Variants in DNAI3 observed in about 807,000 individuals in gnomAD.
DNAI3 encodes dynein axonemal intermediate chain 3.
A neutral mutation model predicts 115.5 loss-of-function variants in DNAI3; 83 were observed. The observed-to-expected ratio is 0.72, with a 90% CI of 0.60 to 0.86. The LOEUF is 0.86. Ranked by LOEUF, DNAI3 falls within the 40% of genes least tolerant of loss-of-function variation. The pLI is 0.00. For missense variants in DNAI3, 1,004 were observed against 1,075.8 expected (o/e 0.93, Z 0.93); for synonymous variants, 320 against 347.0 (o/e 0.92, Z 0.86).
rs147747180 is a variant in DNAI3, at chr1:85,106,133, T to A, written c.1553+1536T>A. On this transcript the variant is annotated intron_variant, in intron 14 of 22. Transcript: ENST00000294664. The stretch of plus-strand genomic sequence containing the variant: ...CCAGCCTGGGTACTTCTTGTCTTGT[T>A]GGGTGCCTACTGTGTACAAAGCACA... Among the ~76,000 whole-genome samples, 4 of 152,316 alleles carry A rather than the reference T, an allele frequency of 2.6e-5. No homozygotes were observed. In the South Asian group the frequency reaches 6.2e-4, roughly 24 times the overall value.
At chr1:85,066,314 C>CTTT (rs57553075) in intron 1 of DNAI3, among the ~76,000 whole-genome samples, 26,656 of 69,698 alleles carry the variant, frequency 0.38, 10,483 homozygotes, top group Non-Finnish European at 0.42. Context: ...TTCTGCTACT[C>CTTT]TTTTTTTTTT....
At chr1:85,064,940 G>A (rs1654049032) in intron 1 of DNAI3, among the ~76,000 whole-genome samples, 1 of 152,176 alleles carries the variant, frequency 6.6e-6, no homozygotes, top group Non-Finnish European at 1.5e-5. Flanking sequence ...GGCTGAGGCA[G>A]GAGAATCGCT....
chr1:85,085,807 C>T (rs1557711345), intron 6 of DNAI3, 24 bp from the exon 7 acceptor site: 2 of 1,608,474 alleles, frequency 1.2e-6, no homozygotes, highest in East Asian at 2.2e-5. Context: ...ATTATGTTAC[C>T]TTTACTGTTT....
At chr1:85,084,250 GTATATATATATA>G (rs33956396) in intron 5 of DNAI3, among the ~76,000 whole-genome samples, 5 of 85,040 alleles carry the variant, frequency 5.9e-5, no homozygotes, top group Non-Finnish European at 7.7e-5. Context: ...TCAGCAGTGT[GTATATATATATA>G]TATATATATA....
intron 13 of DNAI3, among the ~76,000 whole-genome samples, chr1:85,101,117 TATA>T (rs1048705909): frequency 2.3e-5 from 3 of 129,990 alleles, no homozygotes; most frequent in African/African-American, 3.1e-5. Context: ...AAACTTAAAG[TATA>T]ATAATAATAA....
At chr1:85,090,284 TA>T in intron 8 of DNAI3, 52 bp downstream of exon 8, 3 of 1,061,794 alleles carry the variant, frequency 2.8e-6, no homozygotes, top group Non-Finnish European at 4.0e-6. Flanking sequence ...TGTATATGTT[TA>T]CATAGAATAA....
intron 1 of DNAI3, among the ~76,000 whole-genome samples, chr1:85,064,550 G>C (rs549059443): frequency 1.4e-4 from 22 of 152,268 alleles, no homozygotes; most frequent in African/African-American, 4.8e-4. Context: ...AGAGGCCCAA[G>C]ATGTTAGTCT....
chr1:85,125,717 C>T (rs945392589), intron 19 of DNAI3, among the ~76,000 whole-genome samples: 23 of 152,106 alleles, frequency 1.5e-4, no homozygotes, highest in Middle Eastern at 3.2e-3. Context: ...CATGAATCTG[C>T]GACATGCTTT....
intron 4 of DNAI3, among the ~76,000 whole-genome samples, chr1:85,081,665 G>GT (rs1379081869): frequency 6.6e-6 from 1 of 152,014 alleles, no homozygotes; most frequent in Admixed American, 6.6e-5. Flanking sequence ...GTTTTGTTTT[G>GT]TTTTTTGAGG....
At chr1:85,077,153 C>G (rs1246602189) in intron 3 of DNAI3, among the ~76,000 whole-genome samples, 2 of 152,096 alleles carry the variant, frequency 1.3e-5, no homozygotes, top group Admixed American at 6.5e-5. Context: ...AAAAATAGAC[C>G]ACATGTGCAT....
intron 5 of DNAI3, among the ~76,000 whole-genome samples, chr1:85,082,866 G>A (rs567126562): frequency 2.0e-4 from 30 of 152,258 alleles, no homozygotes; most frequent in African/African-American, 6.5e-4. Flanking sequence ...CGTGAGAGAG[G>A]AAACAGTGAA....
At chr1:85,110,468 AATAAATAAATAAATAC>A (rs962811193) in intron 16 of DNAI3, among the ~76,000 whole-genome samples, 4 of 150,724 alleles carry the variant, frequency 2.7e-5, no homozygotes, top group Non-Finnish European at 4.4e-5. Context: ...TAAATAAATA[AATAAATAAATAAATAC>A]ATTTACTAAT....
At chr1:85,088,685 A>T (rs1244671102) in intron 7 of DNAI3, among the ~76,000 whole-genome samples, 1 of 152,238 alleles carries the variant, frequency 6.6e-6, no homozygotes, top group Non-Finnish European at 1.5e-5. Flanking sequence ...AGAGGTTAAA[A>T]ATGAAAGCCC....
At chr1:85,100,791 G>C (rs1394866531) in intron 13 of DNAI3, among the ~76,000 whole-genome samples, 3 of 152,170 alleles carry the variant, frequency 2.0e-5, no homozygotes, top group South Asian at 4.2e-4. Flanking sequence ...TACTATGCAG[G>C]CATAAAAAAT....
intron 13 of DNAI3, among the ~76,000 whole-genome samples, chr1:85,102,036 A>G (rs1175538383): frequency 6.6e-6 from 1 of 152,074 alleles, no homozygotes; most frequent in Non-Finnish European, 1.5e-5. Context: ...ATCTATGTAA[A>G]AACAAACAAA....
chr1:85,122,529 A>G (rs140075424), intron 18 of DNAI3, among the ~76,000 whole-genome samples: 3 of 152,364 alleles, frequency 2.0e-5, no homozygotes, highest in East Asian at 1.9e-4. Context: ...GTGTGAAAAT[A>G]TATTTTAATG....
intron 16 of DNAI3, among the ~76,000 whole-genome samples, chr1:85,114,629 C>T (rs902749143): frequency 5.3e-5 from 8 of 152,154 alleles, no homozygotes; most frequent in African/African-American, 1.9e-4. Flanking sequence ...ACTTTGAGAT[C>T]AACTATGGTA....
At chr1:85,113,039 G>T (rs1049324523) in intron 16 of DNAI3, among the ~76,000 whole-genome samples, 2 of 152,118 alleles carry the variant, frequency 1.3e-5, no homozygotes, top group African/African-American at 2.4e-5. Context: ...AAAGTTCCAG[G>T]ATTATGGATG....
chr1:85,065,063 T>C (rs1332466000), intron 1 of DNAI3, among the ~76,000 whole-genome samples: 2 of 151,642 alleles, frequency 1.3e-5, no homozygotes, highest in African/African-American at 4.8e-5. Context: ...TGTAGAAAGA[T>C]GGAAACAAGC....
Sources: allele counts gnomAD v4.1 joint callset (sites outside exome capture counted in the v4.1 genomes callset), GRCh38; gene constraint gnomAD v4.1.1; transcripts MANE v1.5; gene names NCBI Gene and HGNC (gene_info 2026-07-23, HGNC 2026-07-21).